Variants in DPYD observed in about 807,000 individuals in gnomAD.
DPYD encodes the protein dihydropyrimidine dehydrogenase [NADP(+)].
DPYD carries 109 observed loss-of-function variants against 116.2 expected under a neutral mutation model. The ratio of observed to expected loss-of-function variants is 0.94; its 90% CI spans 0.80 to 1.10. DPYD has a LOEUF of 1.10. DPYD is among the 50% of genes least tolerant of loss of function. The probability of loss-of-function intolerance (pLI) is 0.00; values close to 1 mark genes in which losing one functional copy is unlikely to be tolerated. For synonymous variants in DPYD, 440 were observed against 432.0 expected, an observed-to-expected ratio of 1.02 and a Z score of -0.23; for missense variants, 1,302 against 1,254.5, an observed-to-expected ratio of 1.04 and a Z score of -0.57.
intron 16 of DPYD, among the ~76,000 whole-genome samples, chr1:97,332,590 A>G (rs1669066375): frequency 6.6e-6 from 1 of 152,214 alleles, no homozygotes; most frequent in African/African-American, 2.4e-5. Context: ...ATACAATTCA[A>G]GATAGTTACC....
chr1:97,355,176 C>A (rs76248704), intron 16 of DPYD, among the ~76,000 whole-genome samples: 1,975 of 152,076 alleles, frequency 0.013, 25 homozygotes, highest in South Asian at 0.022. Context: ...CTATATTTCA[C>A]TTTATGTATT....
intron 3 of DPYD, among the ~76,000 whole-genome samples, chr1:97,779,441 A>C (rs915884658): frequency 6.6e-5 from 10 of 152,216 alleles, no homozygotes; most frequent in Admixed American, 5.2e-4. Flanking sequence ...ATTTACAAGA[A>C]GACAAAATAA....
At chr1:97,700,652 C>T (rs538462596) in intron 5 of DPYD, among the ~76,000 whole-genome samples, 13 of 151,910 alleles carry the variant, frequency 8.6e-5, no homozygotes, top group African/African-American at 2.7e-4. Context: ...TATAAAATGC[C>T]TGGGTTTTTA....
chr1:97,079,142 A>G lies in DPYD; in HGVS notation c.2912T>C (p.Ile971Thr). Residue 971 changes from isoleucine (I) to threonine (T), a missense_variant, in exon 23 of 23, where the codon ATA becomes ACA. Physicochemically the swap from Ile to Thr is moderately conservative, Grantham distance 89 (BLOSUM62 -1). Transcript: ENST00000370192. ...MTCNDSGYQA[I>T]QFDPETHLPT... ...CAGGTGGGTTTCTGGATCAAACTGT[A>G]TAGCCTGCAAACAGAAATAGAGGGT... is the stretch of plus-strand genomic sequence containing the variant. 4 of 1,613,376 alleles carry G rather than the reference A, an allele frequency of 2.5e-6. No individual in the cohort carries two copies. Among genetic ancestry groups the G allele is most frequent in the African/African-American group, 1.3e-5 (1 of 74,970 alleles).
intron 16 of DPYD, among the ~76,000 whole-genome samples, chr1:97,323,343 T>TGTGTATATGTACACGTATGTATAC (rs1189092730): frequency 2.6e-4 from 25 of 96,326 alleles, no homozygotes; most frequent in African/African-American, 9.2e-4. Flanking sequence ...CACGTATATA[T>TGTGTATATGTACACGTATGTATAC]ACATGTGTAT....
At chr1:97,298,685 A>G (rs1364985042) in intron 18 of DPYD, among the ~76,000 whole-genome samples, 1 of 152,088 alleles carries the variant, frequency 6.6e-6, no homozygotes, top group African/African-American at 2.4e-5. Flanking sequence ...AATGCTAGAG[A>G]GTTTGGTCTG....
chr1:97,485,338 A>G (rs1423884181), intron 13 of DPYD, among the ~76,000 whole-genome samples: 1 of 152,106 alleles, frequency 6.6e-6, no homozygotes, highest in Non-Finnish European at 1.5e-5. Context: ...AGTAGCTGGG[A>G]CTACAGGAGT....
intron 19 of DPYD, among the ~76,000 whole-genome samples, chr1:97,227,342 A>C (rs1469958839): frequency 2.7e-5 from 2 of 75,194 alleles, no homozygotes; most frequent in Non-Finnish European, 4.5e-5. Context: ...AAAAAAAAAA[A>C]AAAAAAAAAA....
At chr1:97,175,321 G>T (rs951553618) in intron 20 of DPYD, among the ~76,000 whole-genome samples, 1 of 152,124 alleles carries the variant, frequency 6.6e-6, no homozygotes, top group Admixed American at 6.6e-5. Context: ...TAGGTTGTCA[G>T]TTCTTGTTCA....
intron 14 of DPYD, among the ~76,000 whole-genome samples, chr1:97,429,526 T>C (rs530932447): frequency 7.7e-4 from 117 of 152,178 alleles, no homozygotes; most frequent in African/African-American, 2.6e-3. Flanking sequence ...ATAGGAGAGA[T>C]TGAAAACTCT....
chr1:97,828,373 A>G lies in DPYD; in HGVS notation c.151-177T>C, dbSNP rs185541110. ...CAGTTAAATCCAACAGTAACAAAATAAAAACATTTTATGATACAGCTGTCA... is the reference window on the plus strand; with the variant it reads ...CAGTTAAATCCAACAGTAACAAAATGAAAACATTTTATGATACAGCTGTCA... On this transcript the variant is annotated intron_variant, in intron 2 of 22. Transcript: ENST00000370192. 5.0e-4 allele frequency among the ~76,000 whole-genome samples: 76 copies of G among 152,340 alleles called. 1 individual carries two copies. The highest frequency in any genetic ancestry group is 5.4e-4 in the Non-Finnish European group (37 of 68,022).
At chr1:97,258,589 C>T (rs1370833969) in intron 18 of DPYD, among the ~76,000 whole-genome samples, 1 of 152,142 alleles carries the variant, frequency 6.6e-6, no homozygotes, top group Non-Finnish European at 1.5e-5. Flanking sequence ...CCACTTTCAT[C>T]CAAGTCCTTG....
chr1:97,173,325 C>G (rs561904367), intron 20 of DPYD, among the ~76,000 whole-genome samples: 2 of 140,606 alleles, frequency 1.4e-5, no homozygotes, highest in African/African-American at 5.4e-5. Flanking sequence ...CACATATATA[C>G]ACATATATGT....
intron 3 of DPYD, among the ~76,000 whole-genome samples, chr1:97,806,505 A>G (rs542530793): frequency 1.9e-4 from 29 of 152,008 alleles, no homozygotes; most frequent in Non-Finnish European, 4.0e-4. Flanking sequence ...AAAATTGTAC[A>G]TACTTCCTTT....
At chr1:97,155,794 T>C (rs777710689) in intron 20 of DPYD, among the ~76,000 whole-genome samples, 1 of 152,210 alleles carries the variant, frequency 6.6e-6, no homozygotes, top group Non-Finnish European at 1.5e-5. Flanking sequence ...TTCCTTAGTG[T>C]TCTTTTGATC....
intron 3 of DPYD, among the ~76,000 whole-genome samples, chr1:97,777,888 G>A (rs1666506978): frequency 6.6e-6 from 1 of 151,982 alleles, no homozygotes; most frequent in South Asian, 2.1e-4. Flanking sequence ...GCCAGGTGTA[G>A]TGGCTCACAC....
chr1:97,566,817 A>G (rs1652551535), intron 11 of DPYD, among the ~76,000 whole-genome samples: 1 of 152,182 alleles, frequency 6.6e-6, no homozygotes, highest in African/African-American at 2.4e-5. Flanking sequence ...TGTTTGAAAA[A>G]TAGAACATGA....
At chr1:97,907,407 A>C (rs1673692273) in intron 1 of DPYD, among the ~76,000 whole-genome samples, 3 of 151,960 alleles carry the variant, frequency 2.0e-5, no homozygotes. Context: ...ATTTGTTCTT[A>C]ACTTATTTCT....
At chr1:97,359,569 G>A (rs915223133) in intron 16 of DPYD, among the ~76,000 whole-genome samples, 7 of 152,150 alleles carry the variant, frequency 4.6e-5, no homozygotes, top group African/African-American at 1.7e-4. Context: ...GAAAGGTCGG[G>A]TTACCAACAA....
Sources: allele counts gnomAD v4.1 joint callset (sites outside exome capture counted in the v4.1 genomes callset), GRCh38; gene constraint gnomAD v4.1.1; transcripts MANE v1.5; gene names NCBI Gene and HGNC (gene_info 2026-07-23, HGNC 2026-07-21).